Variants in RADIL observed in about 807,000 individuals in gnomAD.
RADIL encodes the protein Rap associating with DIL domain.
In RADIL, 99 loss-of-function variants were observed where a neutral mutation model predicts 97.6. The ratio of observed to expected loss-of-function variants is 1.01; its 90% CI spans 0.86 to 1.20. The LOEUF (loss-of-function observed/expected upper bound fraction) is 1.20. Ranked by LOEUF, RADIL falls within the 50% of genes most tolerant of loss-of-function variation. The pLI is 0.00. For missense variants in RADIL, 1,765 were observed against 1,498.9 expected, an observed-to-expected ratio of 1.18 and a Z score of -2.93; for synonymous variants, 803 against 691.8, an observed-to-expected ratio of 1.16 and a Z score of -2.52.
intron 7 of RADIL, 75 bp from the exon 8 acceptor site, chr7:4,816,540 C>A: frequency 8.0e-7 from 1 of 1,254,166 alleles, no homozygotes; most frequent in Non-Finnish European, 1.1e-6. Flanking sequence ...CCTGACCCAG[C>A]GAGCTCCCCA....
chr7:4,837,528 C>G lies in RADIL; in HGVS notation c.536-923G>C, dbSNP rs1000083275. On this transcript the variant is annotated intron_variant, in intron 2 of 14. Transcript: ENST00000399583. This position sits in a 1 kb window ranked among gnomAD's most constrained non-coding sequence, Gnocchi z 5.6. The stretch of plus-strand genomic sequence containing the variant: ...CAAGGCTGTCTCTGATACCCCCAAG[C>G]CAAAGCAGGCACACACACAAACACA... Among the ~76,000 whole-genome samples the G allele has an allele frequency of 6.6e-6, 1 of 152,154 alleles. No individual in the cohort carries two copies. Among genetic ancestry groups the G allele is most frequent in the African/African-American group, 2.4e-5 (1 of 41,438 alleles).
At position 4,834,459 on chromosome 7, in the gene RADIL, C is replaced by T; in HGVS notation, c.1416+148G>A. 5.3e-6 allele frequency: 5 copies of T among 949,748 alleles called. No homozygotes were observed. Among genetic ancestry groups the T allele is most frequent in the Non-Finnish European group, 6.8e-6 (5 of 731,172 alleles). 58.8% of individuals were successfully genotyped at this position (949,748 alleles called of 1,614,324 possible). A position where few individuals can be genotyped will look rare whatever the true frequency, so the allele number is the denominator to read the frequency against. The stretch of plus-strand genomic sequence containing the variant: ...GGCCTGTGGGGCTGGGGGGCAGCGA[C>T]AGGCAGGGAAAGGCCGCCCTGCGCT... On this transcript the variant is annotated intron_variant, in intron 4 of 14. Transcript: ENST00000399583. The surrounding 1 kb of genome is among the most constrained non-coding windows in gnomAD (Gnocchi z 6.0).
intron 4 of RADIL, 104 bp from the exon 5 acceptor site, chr7:4,832,282 C>A: frequency 8.7e-7 from 1 of 1,146,132 alleles, no homozygotes. Context: ...CCATGCTGCC[C>A]CAGGCATCCT....
rs1345898788 is a variant in RADIL, at chr7:4,873,189, TC to T, written c.535+4415del. On this transcript the variant is annotated intron_variant, in intron 2 of 14. Coordinates refer to ENST00000399583, the MANE Select transcript of RADIL (RefSeq NM_018059.5). The surrounding 1 kb of genome is among the most constrained non-coding windows in gnomAD (Gnocchi z 4.3). Reference sequence around the variant, plus strand: ...TTCAATTGATCTGCCTGCCTCGGCCTCCCAAAGTGCTGGGATTACACGCGTG... The same window carrying T: ...TTCAATTGATCTGCCTGCCTCGGCCTCCAAAGTGCTGGGATTACACGCGTG... 6.6e-6 allele frequency among the ~76,000 whole-genome samples: 1 copy of T among 152,152 alleles called. No homozygotes were observed. The highest frequency in any genetic ancestry group is 2.4e-5 in the African/African-American group (1 of 41,440).
chr7:4,881,671 A>G (rs111600420), intron 1 of RADIL, among the ~76,000 whole-genome samples: 12,912 of 148,134 alleles, frequency 0.087, 926 homozygotes, highest in African/African-American at 0.19. Context: ...AGGTTGCAGC[A>G]AGCCGAGATC....
In RADIL at chr7:4,883,433, T is replaced by A. The variant is rs767951252; in HGVS notation, c.-65+163A>T. Among the ~76,000 whole-genome samples the A allele has an allele frequency of 9.2e-5, 14 of 151,956 alleles. No individual in the cohort carries two copies. Among genetic ancestry groups the A allele is most frequent in the South Asian group, 2.1e-4 (1 of 4,824 alleles). The stretch of plus-strand genomic sequence containing the variant: ...GGGCCCGACAGCCAGTCGGTTCCCA[T>A]GGCAACTGGGCAAACCTGCCCTCCG... On this transcript the variant is annotated intron_variant, in intron 1 of 14. Transcript: ENST00000399583. The surrounding 1 kb of genome is among the most constrained non-coding windows in gnomAD (Gnocchi z 7.1).
chr7:4,860,551 C>T (rs1259322972), intron 2 of RADIL: 1 of 1,614,218 alleles, frequency 6.2e-7, no homozygotes, highest in Non-Finnish European at 8.5e-7. Flanking sequence ...CTGGAAATGA[C>T]TGTGGATTCA....
chr7:4,849,087 G>A lies in RADIL; in HGVS notation c.536-12482C>T, dbSNP rs564836990. Among the ~76,000 whole-genome samples, 9 of 151,004 alleles carry A rather than the reference G, an allele frequency of 6.0e-5. No individual in the cohort carries two copies. The highest frequency in any genetic ancestry group is 4.2e-4 in the South Asian group (2 of 4,802). ...TGGGAGGCAGAGGTTGTGGTGAGCC[G>A]AGATCGTGCCATTGCACTCCAGCCT... On this transcript the variant is annotated intron_variant, in intron 2 of 14. Transcript: ENST00000399583. The surrounding 1 kb of genome is among the most constrained non-coding windows in gnomAD (Gnocchi z 5.4).
chr7:4,829,647 C>A (rs983164088), intron 5 of RADIL, among the ~76,000 whole-genome samples: 1 of 152,020 alleles, frequency 6.6e-6, no homozygotes, highest in Non-Finnish European at 1.5e-5. Flanking sequence ...GTGGGAGGGA[C>A]GCGGTGGGTG....
Position 4,834,951 on chromosome 7 carries a change from G to A in RADIL, c.1072C>T (p.Pro358Ser), listed in dbSNP as rs773510505. 2 of 1,605,622 alleles carry A rather than the reference G, an allele frequency of 1.2e-6. No homozygotes were observed. The highest frequency in any genetic ancestry group is 1.1e-5 in the South Asian group (1 of 90,410). ...GLYYLLLFKD[P>S]AQAQPLPARA... Reference sequence around the variant, plus strand: ...GCGGGCAGGGGCTGGGCCTGCGCGGGGTCCTTGAATAGCAGCAGGTAGTAG... The same window carrying A: ...GCGGGCAGGGGCTGGGCCTGCGCGGAGTCCTTGAATAGCAGCAGGTAGTAG... The change falls in exon 4 of 15, where the codon CCC becomes TCC. Residue 358 changes from proline to serine, a missense_variant. Pro to Ser is a moderately conservative substitution (Grantham distance 74). Transcript: ENST00000399583. This position sits in a 1 kb window ranked among gnomAD's most constrained non-coding sequence, Gnocchi z 6.0.
At chr7:4,820,821 C>T (rs1420188794) in intron 6 of RADIL, among the ~76,000 whole-genome samples, 3 of 152,142 alleles carry the variant, frequency 2.0e-5, no homozygotes, top group Non-Finnish European at 4.4e-5. Context: ...TGGGCCCCGA[C>T]GCATTGTGGG....
intron 5 of RADIL, among the ~76,000 whole-genome samples, chr7:4,828,108 T>G (rs1783047605): frequency 6.6e-6 from 1 of 152,052 alleles, no homozygotes; most frequent in Non-Finnish European, 1.5e-5. Flanking sequence ...ACGCTGTTGG[T>G]GGGGATATAA....
At position 4,817,580 on chromosome 7, in the gene RADIL, T is replaced by C. The variant is rs1445737608; in HGVS notation, c.1616-229A>G. On this transcript the variant is annotated intron_variant, in intron 6 of 14. Coordinates refer to ENST00000399583, the MANE Select transcript of RADIL (RefSeq NM_018059.5). This position sits in a 1 kb window ranked among gnomAD's most constrained non-coding sequence, Gnocchi z 8.3. The stretch of plus-strand genomic sequence containing the variant: ...GGAATGCCGGGAGGGGCAGGAGGGG[T>C]CCAGACACCCAACATCTCAATGCCC... 6.6e-6 allele frequency among the ~76,000 whole-genome samples: 1 copy of C among 151,566 alleles called. No individual in the cohort carries two copies. The highest frequency in any genetic ancestry group is 1.5e-5 in the Non-Finnish European group (1 of 67,892).
chr7:4,877,410 G>A (rs1003110113), intron 2 of RADIL, among the ~76,000 whole-genome samples, 195 bp downstream of exon 2: 21 of 152,232 alleles, frequency 1.4e-4, no homozygotes, highest in African/African-American at 5.1e-4. Flanking sequence ...ACTCCAGCCT[G>A]GGTGACAGAG....
At chr7:4,810,673 G>A (rs978729269) in intron 9 of RADIL, among the ~76,000 whole-genome samples, 5 of 152,214 alleles carry the variant, frequency 3.3e-5, no homozygotes, top group Non-Finnish European at 5.9e-5. Context: ...TTGCTCAATC[G>A]GAGCACATGC....
intron 5 of RADIL, among the ~76,000 whole-genome samples, chr7:4,829,834 C>T (rs1195971831): frequency 6.6e-6 from 1 of 151,102 alleles, no homozygotes; most frequent in Non-Finnish European, 1.5e-5. Flanking sequence ...TGAGGCCTCC[C>T]CAGTCACGTG....
intron 2 of RADIL, chr7:4,861,948 C>T: frequency 8.2e-6 from 4 of 487,088 alleles, no homozygotes; most frequent in Non-Finnish European, 1.0e-5. Context: ...TCCCGCTGCG[C>T]GCCCGCCGCT....
rs890437638 is a variant in RADIL, at chr7:4,883,080, A to G, written c.-65+516T>C. Among the ~76,000 whole-genome samples the G allele has an allele frequency of 2.0e-5, 3 of 151,678 alleles. No individual in the cohort carries two copies. Among genetic ancestry groups the G allele is most frequent in the South Asian group, 2.1e-4 (1 of 4,836 alleles). ...GGGAAACAATGCTTTGAGCTGGCGC[A>G]CGAGTGGGGATCGGGCTGCAACCGG... is the stretch of plus-strand genomic sequence containing the variant. On this transcript the variant is annotated intron_variant, in intron 1 of 14. Coordinates refer to ENST00000399583, the MANE Select transcript of RADIL (RefSeq NM_018059.5). The surrounding 1 kb of genome is among the most constrained non-coding windows in gnomAD (Gnocchi z 7.1).
chr7:4,804,084 A>T (rs1402537948), intron 10 of RADIL: 10 of 371,188 alleles, frequency 2.7e-5, no homozygotes, highest in Non-Finnish European at 3.7e-5. Flanking sequence ...GTCTCCGGGT[A>T]ACTGGAGCTC....
Sources: allele counts gnomAD v4.1 joint callset (sites outside exome capture counted in the v4.1 genomes callset), GRCh38; gene constraint gnomAD v4.1.1; non-coding constraint Gnocchi (gnomAD v3.1); transcripts MANE v1.5; gene names NCBI Gene and HGNC (gene_info 2026-07-23, HGNC 2026-07-21).